Variants in WBP1L observed in about 807,000 individuals in gnomAD.
The protein encoded by WBP1L is WW domain binding protein 1-like.
Under a neutral mutation model 33.7 loss-of-function variants are expected in WBP1L, and 17 were observed. The ratio of observed to expected loss-of-function variants is 0.50; its 90% CI spans 0.34 to 0.76. WBP1L has a LOEUF of 0.76. Among genes scored for constraint, WBP1L ranks in the 30% least tolerant of loss-of-function variants. The probability of loss-of-function intolerance (pLI) is 0.01; values close to 1 mark genes in which losing one functional copy is unlikely to be tolerated. For missense variants in WBP1L, 389 were observed against 469.4 expected (o/e 0.83, Z 1.58); for synonymous variants, 173 against 190.8 (o/e 0.91, Z 0.77).
chr10:102,790,344 A>T (rs1001539036), intron 1 of WBP1L, among the ~76,000 whole-genome samples: 2 of 151,390 alleles, frequency 1.3e-5, no homozygotes, highest in African/African-American at 2.4e-5. Context: ...TGTGTTTTTA[A>T]TTCTTTCTTT....
intron 1 of WBP1L, among the ~76,000 whole-genome samples, chr10:102,760,980 G>A (rs1365454866): frequency 1.3e-5 from 2 of 151,866 alleles, no homozygotes; most frequent in African/African-American, 4.8e-5. Context: ...TCTGCCTCCC[G>A]AGTTCAAGTG....
In WBP1L at chr10:102,794,924, T is replaced by A. The variant is rs184146712; in HGVS notation, c.91-3069T>A. 2.0e-5 allele frequency among the ~76,000 whole-genome samples: 3 copies of A among 152,234 alleles called. No individual in the cohort carries two copies. The East Asian group carries it at 5.8e-4, about 29-fold the overall frequency. On this transcript the variant is annotated intron_variant, in intron 1 of 3. Transcript: ENST00000448841. The stretch of plus-strand genomic sequence containing the variant: ...TCTTCCTTGCTAGAGGTACACCTTC[T>A]TTCGTACCGCTGCAGCAGAAAATGA...
intron 1 of WBP1L, among the ~76,000 whole-genome samples, chr10:102,764,318 G>T (rs985667292): frequency 3.3e-5 from 5 of 152,196 alleles, no homozygotes; most frequent in Admixed American, 2.6e-4. Context: ...AGGGCCAATG[G>T]CTGTGCTGTG....
In WBP1L at chr10:102,814,639, C is replaced by G. The variant is rs527310648; in HGVS notation, c.*1308C>G. ...TGACTCATTTTTCTGTGTAGAGACT[C>G]GGTGGCCCAGGCAGGAGGTGAAAGC... is the stretch of plus-strand genomic sequence containing the variant. On this transcript the variant is annotated 3_prime_UTR_variant, in exon 4 of 4. Transcript: ENST00000448841. The G allele has an allele frequency of 8.7e-6, 1 of 115,344 alleles. No individual in the cohort carries two copies. Among genetic ancestry groups the G allele is most frequent in the Non-Finnish European group, 1.9e-5 (1 of 53,412 alleles). The allele number at this position is 115,344 out of a possible 1,614,324, so 7.1% of individuals were successfully genotyped here.
rs1388203095 is a variant in WBP1L, at chr10:102,768,680, C to T, written c.90+24537C>T. Among the ~76,000 whole-genome samples, 2 of 63,456 alleles carry T rather than the reference C, an allele frequency of 3.2e-5. 1 individual carries two copies. Among genetic ancestry groups the T allele is most frequent in the Non-Finnish European group, 6.2e-5 (2 of 32,478 alleles). The allele number at this position is 63,456 out of a possible 152,430, so 41.6% of individuals were successfully genotyped here. On this transcript the variant is annotated intron_variant, in intron 1 of 3. Coordinates refer to ENST00000448841, the MANE Select transcript of WBP1L (RefSeq NM_001083913.2). ...CTGGGATTACAGGCGTGAGCCACCG[C>T]GCCCGGCCAGTTTTTTTTTTTTTTT...
chr10:102,800,142 C>A (rs1843635373), intron 2 of WBP1L, among the ~76,000 whole-genome samples: 1 of 152,214 alleles, frequency 6.6e-6, no homozygotes, highest in African/African-American at 2.4e-5. Context: ...GGTAGACAGA[C>A]TCTGTTTAAA....
intron 1 of WBP1L, among the ~76,000 whole-genome samples, chr10:102,794,254 C>G (rs1316456821): frequency 6.6e-6 from 1 of 152,118 alleles, no homozygotes; most frequent in Non-Finnish European, 1.5e-5. Context: ...TTCATGATAT[C>G]TTGCATTGGC....
rs1193797149 is a variant in WBP1L at position 102,813,250 on chromosome 10, A to C, written c.1011A>C (p.Pro337=). ...GAGAGCCTGGGCACCCGCACCTGCC[A>C]CGGCCGCCCGCATGCCTGCTGCTGA... The part of the protein sequence containing the change: ...QAREPGHPHL[P]RPPACLLLNT... Residue 337 remains proline, a synonymous_variant, in exon 4 of 4, where the codon CCA becomes CCC. Coordinates refer to ENST00000448841, the MANE Select transcript of WBP1L (RefSeq NM_001083913.2). 1 of 1,612,898 alleles carries C rather than the reference A, an allele frequency of 6.2e-7. No homozygotes were observed. The highest frequency in any genetic ancestry group is 1.3e-5 in the African/African-American group (1 of 74,850).
intron 1 of WBP1L, among the ~76,000 whole-genome samples, chr10:102,784,172 AC>A (rs1564762572): frequency 1.3e-5 from 2 of 151,788 alleles, no homozygotes; most frequent in East Asian, 3.9e-4. Flanking sequence ...CGGGATTACT[AC>A]CCCCCAGGAG....
intron 1 of WBP1L, among the ~76,000 whole-genome samples, chr10:102,786,371 GT>G (rs2134050193): frequency 6.6e-6 from 1 of 152,282 alleles, no homozygotes; most frequent in South Asian, 2.1e-4. Context: ...AGCAGGAACT[GT>G]TTATTGTATG....
At chr10:102,746,833 A>G (rs1455812052) in intron 1 of WBP1L, among the ~76,000 whole-genome samples, 3 of 152,106 alleles carry the variant, frequency 2.0e-5, no homozygotes, top group Non-Finnish European at 4.4e-5. Flanking sequence ...TTACAATACA[A>G]TCTTTTTTTT....
intron 1 of WBP1L, among the ~76,000 whole-genome samples, chr10:102,777,586 T>TC (rs1843283112): frequency 8.4e-6 from 1 of 119,594 alleles, no homozygotes; most frequent in African/African-American, 3.0e-5. Flanking sequence ...TTTTTTTTTT[T>TC]TGAGATGGAG....
intron 1 of WBP1L, among the ~76,000 whole-genome samples, chr10:102,745,002 G>C (rs1842847723): frequency 6.6e-6 from 1 of 152,222 alleles, no homozygotes; most frequent in Non-Finnish European, 1.5e-5. Flanking sequence ...CTGGTGCCAA[G>C]TTGGGTGGGG....
chr10:102,789,467 C>A (rs1018697), intron 1 of WBP1L, among the ~76,000 whole-genome samples: 78,680 of 151,854 alleles, frequency 0.52, 21,413 homozygotes, highest in Middle Eastern at 0.63. Context: ...CTGTTCTCAC[C>A]GGTCTGGTTA....
chr10:102,797,271 A>T (rs925089564), intron 1 of WBP1L, among the ~76,000 whole-genome samples: 9 of 152,242 alleles, frequency 5.9e-5, no homozygotes, highest in African/African-American at 2.2e-4. Context: ...CGCTTTAATT[A>T]TTCCAGGAAG....
chr10:102,807,387 T>C (rs1843752182), intron 2 of WBP1L, among the ~76,000 whole-genome samples: 1 of 149,402 alleles, frequency 6.7e-6, no homozygotes, highest in East Asian at 1.9e-4. Context: ...CCATATATAC[T>C]TTTTTTTTTA....
intron 1 of WBP1L, among the ~76,000 whole-genome samples, chr10:102,765,275 G>A (rs1402184951): frequency 6.6e-6 from 1 of 152,032 alleles, no homozygotes; most frequent in Non-Finnish European, 1.5e-5. Flanking sequence ...TCTTGCACAG[G>A]CTGGAGTGCA....
chr10:102,799,571 CGA>C (rs1432052336), intron 2 of WBP1L, among the ~76,000 whole-genome samples: 1 of 152,000 alleles, frequency 6.6e-6, no homozygotes, highest in Non-Finnish European at 1.5e-5. Flanking sequence ...CTTAGGACAG[CGA>C]GGCCCCAGGT....
chr10:102,770,428 T>C (rs1160376906), intron 1 of WBP1L, among the ~76,000 whole-genome samples: 1 of 152,242 alleles, frequency 6.6e-6, no homozygotes. Flanking sequence ...GCCTGGCAGT[T>C]ACTGTCCTGT....
Sources: allele counts gnomAD v4.1 joint callset (sites outside exome capture counted in the v4.1 genomes callset), GRCh38; gene constraint gnomAD v4.1.1; transcripts MANE v1.5; gene names NCBI Gene and HGNC (gene_info 2026-07-23, HGNC 2026-07-21).